Variants in EDEM3 observed in about 807,000 individuals in gnomAD.
The protein encoded by EDEM3 is ER degradation enhancing alpha-mannosidase like protein 3.
Under a neutral mutation model 110.2 loss-of-function variants are expected in EDEM3, and 60 were observed. The ratio of observed to expected loss-of-function variants is 0.54; its 90% CI spans 0.44 to 0.67. The LOEUF (loss-of-function observed/expected upper bound fraction) is 0.67. EDEM3 is among the 30% of genes least tolerant of loss of function. The pLI, the probability that EDEM3 is intolerant of heterozygous loss-of-function variation, is 0.00. For missense variants in EDEM3, 996 were observed against 1,121.0 expected, an observed-to-expected ratio of 0.89 and a Z score of 1.59; for synonymous variants, 352 against 382.9, an observed-to-expected ratio of 0.92 and a Z score of 0.94.
rs138784547 is a variant in EDEM3, at chr1:184,735,798, T to A, written c.346-1155A>T. 2.8e-3 allele frequency among the ~76,000 whole-genome samples: 434 copies of A among 152,286 alleles called. 5 individuals carry two copies. In the East Asian group the frequency reaches 0.036, roughly 12 times the overall value. On this transcript the variant is annotated intron_variant, in intron 4 of 19. Transcript: ENST00000318130. ...CATCTATCACTTTTGGAATGAGACA[T>A]AACTGTTCCACTATCCCCACCCTCC...
intron 13 of EDEM3, 58 bp from the exon 14 acceptor site, chr1:184,712,656 A>G (rs1650318959): frequency 8.4e-7 from 1 of 1,194,452 alleles, no homozygotes; most frequent in Non-Finnish European, 1.2e-6. Context: ...AATGCCAACT[A>G]TATGAAAGCC....
At chr1:184,737,738 T>C (rs1651914461) in intron 2 of EDEM3, 27 bp from the exon 3 acceptor site, 9 of 1,586,722 alleles carry the variant, frequency 5.7e-6, no homozygotes, top group Non-Finnish European at 7.8e-6. Context: ...AGTAAGTTAC[T>C]AAGGAAAATA....
chr1:184,753,597 T>C (rs979741679), intron 1 of EDEM3, among the ~76,000 whole-genome samples: 2 of 152,138 alleles, frequency 1.3e-5, no homozygotes, highest in Non-Finnish European at 2.9e-5. Flanking sequence ...CACTAAGCCT[T>C]TTTTTTCTAT....
intron 13 of EDEM3, among the ~76,000 whole-genome samples, chr1:184,715,824 T>A: frequency 6.6e-6 from 1 of 152,212 alleles, no homozygotes; most frequent in Admixed American, 6.5e-5. Context: ...TTGCTATTAC[T>A]TGTATGCCTG....
At chr1:184,710,287 G>C in intron 16 of EDEM3, 107 bp downstream of exon 16, 1 of 1,309,238 alleles carries the variant, frequency 7.6e-7, no homozygotes, top group Non-Finnish European at 1.0e-6. Flanking sequence ...ACTTTAAACA[G>C]TATATTTAAA....
At chr1:184,698,418 G>A (rs1649440553) in intron 19 of EDEM3, among the ~76,000 whole-genome samples, 1 of 151,840 alleles carries the variant, frequency 6.6e-6, no homozygotes, top group East Asian at 1.9e-4. Context: ...TTATGGTACA[G>A]TGATAATGCA....
chr1:184,730,495 G>C (rs947315562), intron 6 of EDEM3, among the ~76,000 whole-genome samples: 25 of 152,182 alleles, frequency 1.6e-4, no homozygotes, highest in African/African-American at 5.3e-4. Context: ...GCTGAGGTGG[G>C]AGGATCACTT....
Position 184,734,526 on chromosome 1 carries a change from C to CTG in EDEM3, c.458+4_458+5insCA. ...AATTATAGCTTTAGTGTCTTTCATA[C>CTG]TTACCCAAGAACTCTGATGTTTGTT... On this transcript the variant is annotated splice_donor_region_variant and intron_variant, in intron 5 of 19. Transcript: ENST00000318130. 7.5e-7 allele frequency: 1 copy of CTG among 1,326,476 alleles called. No homozygotes were observed. The highest frequency in any genetic ancestry group is 1.0e-6 in the Non-Finnish European group (1 of 988,300). 82.2% of individuals were successfully genotyped at this position (1,326,476 alleles called of 1,614,324 possible).
chr1:184,712,708 G>A (rs1344691865), intron 13 of EDEM3, 110 bp from the exon 14 acceptor site: 3 of 695,506 alleles, frequency 4.3e-6, no homozygotes, highest in African/African-American at 1.9e-5. Context: ...CAACTTAGAT[G>A]TTCAAAGAAC....
chr1:184,712,583 GAAGA>G lies in EDEM3; in HGVS notation c.1382_1385del (p.Phe461SerfsTer23), dbSNP rs1650312698. ...AAAGATATTTAAACATTTCAGCCAAGAAGAAAGAATCCATTCTAAAATAAAAAGT... is the reference window on the plus strand; with the variant it reads ...AAAGATATTTAAACATTTCAGCCAAGAAGAATCCATTCTAAAATAAAAAGT... On this transcript the variant is annotated frameshift_variant, in exon 14 of 20. Transcript: ENST00000318130. LOFTEE classifies it high-confidence loss of function. 4.6e-6 allele frequency: 7 copies of G among 1,532,442 alleles called. No individual in the cohort carries two copies. The highest frequency in any genetic ancestry group is 2.3e-5 in the East Asian group (1 of 43,368). 94.9% of individuals were successfully genotyped at this position (1,532,442 alleles called of 1,614,324 possible). A position where few individuals can be genotyped will look rare whatever the true frequency, so the allele number is the denominator to read the frequency against.
chr1:184,711,242 G>C (rs571440779), intron 15 of EDEM3, among the ~76,000 whole-genome samples: 1 of 152,060 alleles, frequency 6.6e-6, no homozygotes, highest in Non-Finnish European at 1.5e-5. Context: ...GGGATTACAG[G>C]TGCCTGCCAC....
At chr1:184,702,575 C>T (rs536535025) in intron 19 of EDEM3, among the ~76,000 whole-genome samples, 1 of 152,222 alleles carries the variant, frequency 6.6e-6, no homozygotes, top group Non-Finnish European at 1.5e-5. Context: ...GCAAAAATTA[C>T]AAATCACACA....
chr1:184,731,235 G>A (rs1268743635), intron 6 of EDEM3, among the ~76,000 whole-genome samples: 1 of 152,180 alleles, frequency 6.6e-6, no homozygotes, highest in Non-Finnish European at 1.5e-5. Flanking sequence ...AAATAAATCA[G>A]AAGAGCTATT....
chr1:184,737,673 G>C lies in EDEM3; in HGVS notation c.243C>G (p.Thr81=). ...CTTGGCCTCTAACTCGACCTCTACA[G>C]GTTAAAGGCATGAGTTCATCAGCAG... ...AYPADELMPL[T]CRGRVRGQEP... is the part of the protein sequence containing the mutation. The change falls in exon 3 of 20, where the codon ACC becomes ACG. Residue 81 remains threonine, a synonymous_variant. Transcript: ENST00000318130. The C allele has an allele frequency of 6.2e-7, 1 of 1,613,968 alleles. No individual in the cohort carries two copies. Among genetic ancestry groups the C allele is most frequent in the Non-Finnish European group, 8.5e-7 (1 of 1,179,902 alleles).
At chr1:184,754,359 G>A (rs1558079130) in intron 1 of EDEM3, 130 bp downstream of exon 1, 1 of 1,435,154 alleles carries the variant, frequency 7.0e-7, no homozygotes, top group Non-Finnish European at 9.4e-7. Flanking sequence ...ACCCCTCTAG[G>A]GTTCTCGCGC....
intron 2 of EDEM3, among the ~76,000 whole-genome samples, chr1:184,745,212 T>C (rs1652362470): frequency 6.6e-6 from 1 of 152,160 alleles, no homozygotes; most frequent in Non-Finnish European, 1.5e-5. Flanking sequence ...CAAAATGTTT[T>C]GAGAGGATAC....
intron 6 of EDEM3, among the ~76,000 whole-genome samples, chr1:184,732,180 C>A (rs577644774): frequency 2.0e-5 from 3 of 150,732 alleles, no homozygotes; most frequent in East Asian, 2.0e-4. Context: ...CATTCCCCCC[C>A]ACCAAAAAAA....
At chr1:184,707,814 G>A (rs1371267067) in intron 17 of EDEM3, among the ~76,000 whole-genome samples, 2 of 152,134 alleles carry the variant, frequency 1.3e-5, no homozygotes, top group Non-Finnish European at 2.9e-5. Context: ...TCTACATTAA[G>A]CTCCTGGTTT....
intron 13 of EDEM3, among the ~76,000 whole-genome samples, chr1:184,715,810 T>C (rs780045692): frequency 2.6e-5 from 4 of 152,222 alleles, no homozygotes; most frequent in Non-Finnish European, 4.4e-5. Flanking sequence ...TCTGCTTTTA[T>C]TTCTTGCTAT....
Sources: gnomAD v4.1 joint callset for allele counts (sites outside exome capture counted in the v4.1 genomes callset) on GRCh38, gnomAD v4.1.1 for gene constraint, MANE v1.5 for transcripts, NCBI Gene and HGNC (gene_info 2026-07-23, HGNC 2026-07-21) for gene names.